Variants in GLG1 observed in about 807,000 individuals in gnomAD.
GLG1 encodes the protein Golgi apparatus protein 1.
A neutral mutation model predicts 160.5 loss-of-function variants in GLG1; 38 were observed. The ratio of observed to expected loss-of-function variants is 0.24; its 90% confidence interval spans 0.18 to 0.31. The LOEUF (loss-of-function observed/expected upper bound fraction) is 0.31, where lower values mean the gene tolerates loss of function less well. GLG1 is among the 10% of genes least tolerant of loss of function. GLG1 has a pLI of 1.00. For missense variants in GLG1, 1,373 were observed against 1,505.2 expected (o/e 0.91, Z 1.45); for synonymous variants, 644 against 543.4 (o/e 1.19, Z -2.57).
chr16:74,465,281 AGATG>A (rs1358000838), intron 19 of GLG1, among the ~76,000 whole-genome samples: 1 of 152,220 alleles, frequency 6.6e-6, no homozygotes, highest in Non-Finnish European at 1.5e-5. Context: ...TGAATGTGCC[AGATG>A]GATGATCAGG....
At chr16:74,531,409 C>T (rs2017527633) in intron 2 of GLG1, among the ~76,000 whole-genome samples, 1 of 152,196 alleles carries the variant, frequency 6.6e-6, no homozygotes. Flanking sequence ...ACCTCCGCCT[C>T]CTGGGTTCAA....
At chr16:74,595,197 T>A (rs926344104) in intron 1 of GLG1, among the ~76,000 whole-genome samples, 12 of 138,458 alleles carry the variant, frequency 8.7e-5, no homozygotes, top group South Asian at 2.3e-4. Context: ...CAAAAAAAAA[T>A]AATAATAATT....
At chr16:74,480,494 A>G in intron 10 of GLG1, 100 bp from the exon 11 acceptor site, 2 of 738,446 alleles carry the variant, frequency 2.7e-6, no homozygotes, top group Non-Finnish European at 4.5e-6. Flanking sequence ...ATACTCATTG[A>G]TAATCACTTC....
chr16:74,514,821 C>G (rs181885679), intron 2 of GLG1, among the ~76,000 whole-genome samples: 5 of 152,210 alleles, frequency 3.3e-5, no homozygotes, highest in Admixed American at 6.5e-5. Flanking sequence ...GGGCTAAATG[C>G]CCCAGTTAAA....
At chr16:74,584,279 G>C (rs983253952) in intron 1 of GLG1, among the ~76,000 whole-genome samples, 4 of 152,130 alleles carry the variant, frequency 2.6e-5, no homozygotes, top group Admixed American at 2.6e-4. Flanking sequence ...GCCATGCACG[G>C]CTTCGAAAAA....
intron 3 of GLG1, among the ~76,000 whole-genome samples, chr16:74,504,508 G>A (rs901193222): frequency 6.6e-6 from 1 of 152,076 alleles, no homozygotes; most frequent in African/African-American, 2.4e-5. Flanking sequence ...GGCTGGTCTC[G>A]AACTCCTGAC....
intron 1 of GLG1, among the ~76,000 whole-genome samples, chr16:74,605,680 C>CA (rs1958549880): frequency 6.6e-6 from 1 of 151,990 alleles, no homozygotes; most frequent in Admixed American, 6.6e-5. Flanking sequence ...CCAAGAGAAG[C>CA]AAATTTCTAC....
At chr16:74,585,270 G>T (rs78825887) in intron 1 of GLG1, among the ~76,000 whole-genome samples, 20,208 of 151,980 alleles carry the variant, frequency 0.13, 1,661 homozygotes, top group Middle Eastern at 0.2. Context: ...TTACCTGGGC[G>T]TGGTGGCACA....
chr16:74,506,199 C>A (rs7189123), intron 3 of GLG1, among the ~76,000 whole-genome samples: 101,268 of 150,342 alleles, frequency 0.67, 34,164 homozygotes, highest in East Asian at 0.81. Context: ...ACACTGGATA[C>A]AAAACAAGAC....
At chr16:74,462,770 C>T in intron 20 of GLG1, 140 bp from the exon 21 acceptor site, 3 of 767,298 alleles carry the variant, frequency 3.9e-6, no homozygotes, top group Non-Finnish European at 6.7e-6. Context: ...TAAACATTTA[C>T]TGAGCTCTCA....
intron 10 of GLG1, 24 bp downstream of exon 10, chr16:74,482,999 T>G (rs1408801346): frequency 8.1e-7 from 1 of 1,234,150 alleles, no homozygotes. Flanking sequence ...GGCAATACAT[T>G]TACTTTGGCT....
chr16:74,471,759 C>T (rs2015216662), intron 14 of GLG1, among the ~76,000 whole-genome samples: 1 of 152,192 alleles, frequency 6.6e-6, no homozygotes, highest in African/African-American at 2.4e-5. Context: ...GTACTGGAAT[C>T]AACCCTGCAT....
chr16:74,491,486 T>C (rs1279575891), intron 7 of GLG1, among the ~76,000 whole-genome samples: 4 of 152,200 alleles, frequency 2.6e-5, no homozygotes, highest in Admixed American at 6.5e-5. Context: ...ATGGAAATCC[T>C]ATCAATAAGA....
intron 10 of GLG1, among the ~76,000 whole-genome samples, chr16:74,480,746 C>A (rs960396549): frequency 1.3e-5 from 2 of 151,924 alleles, no homozygotes; most frequent in Non-Finnish European, 2.9e-5. Context: ...AGAACAGAGT[C>A]TCGCCATGTT....
chr16:74,518,888 G>T (rs558939886), intron 2 of GLG1, among the ~76,000 whole-genome samples: 2 of 152,180 alleles, frequency 1.3e-5, no homozygotes, highest in Admixed American at 1.3e-4. Flanking sequence ...CTGTTGGTGG[G>T]AGTGTAAATT....
At position 74,469,048 on chromosome 16, in the gene GLG1, G is replaced by C; in HGVS notation, c.2334C>G (p.Ile778Met). 1 of 1,613,382 alleles carries C rather than the reference G, an allele frequency of 6.2e-7. No homozygotes were observed. The change falls in exon 17 of 26, where the codon ATC becomes ATG. Residue 778 changes from isoleucine (I) to methionine (M), a missense_variant. Ile to Met is a conservative substitution (Grantham distance 10). Transcript: ENST00000422840. ...CATTGCGCACGGTCGTGCTCAGGCA[G>C]ATCACCACGTCCACCCTGCAGACGA... ...PNIKKKVDVV[I>M]CLSTTVRNDT... is the part of the protein sequence containing the mutation.
At chr16:74,599,713 A>C (rs2143905430) in intron 1 of GLG1, among the ~76,000 whole-genome samples, 1 of 152,216 alleles carries the variant, frequency 6.6e-6, no homozygotes, top group African/African-American at 2.4e-5. Flanking sequence ...AAATGCAAAA[A>C]ATTAGCCGGG....
At chr16:74,531,308 T>C (rs374085934) in intron 2 of GLG1, among the ~76,000 whole-genome samples, 11 of 151,978 alleles carry the variant, frequency 7.2e-5, no homozygotes, top group African/African-American at 2.2e-4. Context: ...CCAGATCAAG[T>C]GTCACCTCTT....
chr16:74,555,290 T>C (rs2018321311), intron 1 of GLG1, among the ~76,000 whole-genome samples: 1 of 152,168 alleles, frequency 6.6e-6, no homozygotes, highest in Non-Finnish European at 1.5e-5. Context: ...GAACATAAAA[T>C]TGGGCAATTA....
Sources: gnomAD v4.1 joint callset for allele counts (sites outside exome capture counted in the v4.1 genomes callset) on GRCh38, gnomAD v4.1.1 for gene constraint, MANE v1.5 for transcripts, NCBI Gene and HGNC (gene_info 2026-07-23, HGNC 2026-07-21) for gene names.